Variants in MECOM observed in about 807,000 individuals in gnomAD.
MECOM encodes MDS1 and EVI1 complex locus, also known as histone-lysine N-methyltransferase MECOM.
In MECOM, 13 loss-of-function variants were observed where a neutral mutation model predicts 116.3. The observed-to-expected ratio is 0.11, with a 90% CI of 0.07 to 0.18. The LOEUF is 0.18. MECOM is among the 10% of genes least tolerant of loss of function. The pLI is 1.00. For synonymous variants in MECOM, 528 were observed against 535.2 expected, an observed-to-expected ratio of 0.99 and a Z score of 0.19; for missense variants, 1,299 against 1,509.0, an observed-to-expected ratio of 0.86 and a Z score of 2.31.
At chr3:169,578,772 G>T (rs534033951) in intron 1 of MECOM, among the ~76,000 whole-genome samples, 132 of 152,146 alleles carry the variant, frequency 8.7e-4, no homozygotes, top group Non-Finnish European at 1.5e-3. Flanking sequence ...ACACAAAAGG[G>T]TATACTCTTC....
At chr3:169,334,946 A>G (rs1457282545) in intron 2 of MECOM, among the ~76,000 whole-genome samples, 1 of 152,294 alleles carries the variant, frequency 6.6e-6, no homozygotes, top group East Asian at 1.9e-4. Flanking sequence ...CACTCCCTCA[A>G]TAGAGGTAAC....
At chr3:169,529,422 A>G (rs1490917271) in intron 1 of MECOM, among the ~76,000 whole-genome samples, 1 of 152,218 alleles carries the variant, frequency 6.6e-6, no homozygotes, top group Admixed American at 6.5e-5. Flanking sequence ...GCTTGATGGT[A>G]TCTCCACATT....
intron 3 of MECOM, among the ~76,000 whole-genome samples, chr3:169,143,024 A>G (rs1414233514): frequency 1.3e-5 from 2 of 151,990 alleles, no homozygotes; most frequent in East Asian, 3.9e-4. Flanking sequence ...AAGATTCATA[A>G]CCTAATTTTA....
intron 1 of MECOM, among the ~76,000 whole-genome samples, chr3:169,662,894 C>G (rs1015009011): frequency 1.3e-5 from 2 of 152,094 alleles, no homozygotes; most frequent in African/African-American, 2.4e-5. Context: ...CCCGCGCCCC[C>G]CTCCTCCCAC....
intron 2 of MECOM, among the ~76,000 whole-genome samples, chr3:169,245,802 T>G (rs1755513486): frequency 6.6e-6 from 1 of 152,216 alleles, no homozygotes; most frequent in Non-Finnish European, 1.5e-5. Context: ...TTACCCTATA[T>G]GGAATGTGTT....
intron 2 of MECOM, among the ~76,000 whole-genome samples, chr3:169,379,174 C>T (rs1376770198): frequency 1.4e-5 from 2 of 147,230 alleles, no homozygotes; most frequent in African/African-American, 2.5e-5. Flanking sequence ...AAAAAAAAAC[C>T]CTAAGAAGAA....
At chr3:169,170,435 C>A (rs996888542) in intron 2 of MECOM, among the ~76,000 whole-genome samples, 2 of 148,598 alleles carry the variant, frequency 1.3e-5, no homozygotes, top group African/African-American at 5.0e-5. Flanking sequence ...AAAATCAAAG[C>A]TAAGCGTCTG....
intron 1 of MECOM, among the ~76,000 whole-genome samples, chr3:169,652,280 C>T (rs1468933): frequency 0.53 from 79,939 of 152,004 alleles, 22,529 homozygotes; most frequent in African/African-American, 0.74. Flanking sequence ...ACTAAGATAG[C>T]TATTCCATCC....
chr3:169,259,569 TA>T (rs562249825), intron 2 of MECOM, among the ~76,000 whole-genome samples: 2 of 151,498 alleles, frequency 1.3e-5, no homozygotes, highest in East Asian at 1.9e-4. Context: ...AAAAAATAAT[TA>T]AAAAAAAATT....
intron 1 of MECOM, among the ~76,000 whole-genome samples, chr3:169,526,376 T>C (rs1045087490): frequency 1.3e-5 from 2 of 152,162 alleles, no homozygotes; most frequent in African/African-American, 4.8e-5. Flanking sequence ...GTTTGACATT[T>C]TTATTGCAAT....
intron 2 of MECOM, chr3:169,147,158 G>C (rs1249569486): frequency 2.0e-6 from 2 of 985,312 alleles, no homozygotes; most frequent in East Asian, 2.3e-4. Flanking sequence ...GATGTGTAAT[G>C]AAAGTTATCT....
chr3:169,413,073 G>A (rs1215395361), intron 1 of MECOM, among the ~76,000 whole-genome samples: 4 of 152,204 alleles, frequency 2.6e-5, no homozygotes, highest in East Asian at 3.8e-4. Context: ...CAAGATGGCC[G>A]AATAGAAACA....
chr3:169,233,279 TC>T (rs1753643838), intron 2 of MECOM, among the ~76,000 whole-genome samples: 2 of 152,110 alleles, frequency 1.3e-5, no homozygotes, highest in Admixed American at 1.3e-4. Flanking sequence ...TGATAATTCT[TC>T]AGGCTATTTC....
chr3:169,320,936 T>A lies in MECOM; in HGVS notation c.375+60251A>T, dbSNP rs143708075. 5.5e-3 allele frequency among the ~76,000 whole-genome samples: 839 copies of A among 152,268 alleles called. 7 individuals are homozygous for A. Among genetic ancestry groups the A allele is most frequent in the African/African-American group, 0.019 (779 of 41,564 alleles). ...GCTAGAATATATTTTATAAATGAACTGCCAGTAACTGGATGAGAAATCTGA... is the reference window on the plus strand; with the variant it reads ...GCTAGAATATATTTTATAAATGAACAGCCAGTAACTGGATGAGAAATCTGA... On this transcript the variant is annotated intron_variant, in intron 2 of 16. Coordinates refer to ENST00000651503, the MANE Select transcript of MECOM (RefSeq NM_004991.4).
chr3:169,420,813 A>G (rs1481627168), intron 1 of MECOM, among the ~76,000 whole-genome samples: 1 of 152,178 alleles, frequency 6.6e-6, no homozygotes, highest in Non-Finnish European at 1.5e-5. Context: ...GTGTTATTGA[A>G]GATGCTTTAA....
At chr3:169,266,257 TTGG>T (rs1429404739) in intron 2 of MECOM, among the ~76,000 whole-genome samples, 1 of 152,198 alleles carries the variant, frequency 6.6e-6, no homozygotes, top group Non-Finnish European at 1.5e-5. Context: ...TAACTTCTCC[TTGG>T]TGTTGCCCAT....
At chr3:169,237,724 C>T (rs1754265371) in intron 2 of MECOM, among the ~76,000 whole-genome samples, 1 of 151,498 alleles carries the variant, frequency 6.6e-6, no homozygotes, top group African/African-American at 2.4e-5. Context: ...TACCTGAACA[C>T]CAGAGCAAAA....
intron 1 of MECOM, among the ~76,000 whole-genome samples, chr3:169,390,241 T>G (rs1386273904): frequency 6.6e-6 from 1 of 152,138 alleles, no homozygotes; most frequent in Non-Finnish European, 1.5e-5. Flanking sequence ...GTGGTCAAAA[T>G]TTGGTGTGCC....
intron 1 of MECOM, among the ~76,000 whole-genome samples, chr3:169,418,549 T>C (rs1560248321): frequency 6.6e-6 from 1 of 152,188 alleles, no homozygotes; most frequent in Non-Finnish European, 1.5e-5. Context: ...TTATCCACTA[T>C]GATCAAGTCG....
Sources: allele counts gnomAD v4.1 joint callset (sites outside exome capture counted in the v4.1 genomes callset), GRCh38; gene constraint gnomAD v4.1.1; transcripts MANE v1.5; gene names NCBI Gene and HGNC (gene_info 2026-07-23, HGNC 2026-07-21).